Variants in RMDN2 observed in about 807,000 individuals in gnomAD.
The protein encoded by RMDN2 is regulator of microtubule dynamics 2.
In RMDN2, 61 loss-of-function variants were observed where a neutral mutation model predicts 52.8. The ratio of observed to expected loss-of-function variants is 1.16; its 90% CI spans 0.94 to 1.43. The LOEUF (loss-of-function observed/expected upper bound fraction) is 1.43. Among genes scored for constraint, RMDN2 ranks in the 40% most tolerant of loss-of-function variants. The pLI, the probability that RMDN2 is intolerant of heterozygous loss-of-function variation, is 0.00. For synonymous variants in RMDN2, 180 were observed against 153.1 expected (o/e 1.18, Z -1.30); for missense variants, 592 against 475.3 (o/e 1.25, Z -2.28).
At chr2:37,993,820 T>A (rs1675149345) in intron 7 of RMDN2, among the ~76,000 whole-genome samples, 1 of 152,110 alleles carries the variant, frequency 6.6e-6, no homozygotes, top group South Asian at 2.1e-4. Context: ...CTTACAGCAG[T>A]GAAAATTCAT....
At chr2:38,003,551 G>GATAGATAGATAGATAGATAC (rs1676608652) in intron 8 of RMDN2, among the ~76,000 whole-genome samples, 4 of 110,550 alleles carry the variant, frequency 3.6e-5, no homozygotes, top group African/African-American at 1.2e-4. Flanking sequence ...AGACCTGATA[G>GATAGATAGATAGATAGATAC]ATAGATAGAT....
chr2:37,965,280 A>T (rs952967074), intron 2 of RMDN2, among the ~76,000 whole-genome samples: 1 of 148,396 alleles, frequency 6.7e-6, no homozygotes, highest in African/African-American at 2.5e-5. Flanking sequence ...TTGATTTTGT[A>T]TATGCCATAG....
Position 38,039,093 on chromosome 2 carries a change from C to CACAGAGAG in RMDN2, c.1714-27888_1714-27887insCAGAGAGA, listed in dbSNP as rs1317093706. On this transcript the variant is annotated intron_variant, in intron 10 of 10. Transcript: ENST00000234195. ...ACACACACACACACACACACACACA[C>CACAGAGAG]AGAGAGAGAGATAAAATGTTCATGG... Among the ~76,000 whole-genome samples, 30 of 91,586 alleles carry CACAGAGAG rather than the reference C, an allele frequency of 3.3e-4. 1 individual carries two copies. Among genetic ancestry groups the CACAGAGAG allele is most frequent in the African/African-American group, 9.2e-4 (30 of 32,574 alleles). The allele number at this position is 91,586 out of a possible 152,430, so 60.1% of individuals were successfully genotyped here.
At chr2:38,037,716 T>C (rs994848407) in intron 10 of RMDN2, among the ~76,000 whole-genome samples, 6 of 152,232 alleles carry the variant, frequency 3.9e-5, no homozygotes, top group African/African-American at 1.4e-4. Context: ...CCGTTGGCTA[T>C]TGGGAGCTTG....
intron 10 of RMDN2, among the ~76,000 whole-genome samples, chr2:38,061,646 C>CACACACACGTACACACAT (rs1553393406): frequency 2.0e-5 from 3 of 149,828 alleles, no homozygotes; most frequent in Non-Finnish European, 4.4e-5. Flanking sequence ...CACACACACA[C>CACACACACGTACACACAT]ACACACATAC....
At chr2:37,971,887 T>C (rs1358967274) in intron 2 of RMDN2, among the ~76,000 whole-genome samples, 1 of 152,206 alleles carries the variant, frequency 6.6e-6, no homozygotes, top group African/African-American at 2.4e-5. Flanking sequence ...CAAAAATTCC[T>C]ATTAGGCTTA....
chr2:37,947,430 A>G (rs973984142), intron 2 of RMDN2, among the ~76,000 whole-genome samples: 7 of 152,202 alleles, frequency 4.6e-5, no homozygotes, highest in Admixed American at 2.6e-4. Flanking sequence ...AAAATAACCA[A>G]CATTTGTGCT....
At chr2:37,941,717 G>A (rs755063628) in intron 2 of RMDN2, among the ~76,000 whole-genome samples, 25 of 152,106 alleles carry the variant, frequency 1.6e-4, no homozygotes, top group Non-Finnish European at 2.8e-4. Flanking sequence ...GCCTACTCAC[G>A]CCTCAGTAAT....
At chr2:37,939,864 G>GCATTTAGC (rs1391124815) in intron 2 of RMDN2, among the ~76,000 whole-genome samples, 9 of 152,076 alleles carry the variant, frequency 5.9e-5, no homozygotes, top group African/African-American at 1.9e-4. Context: ...TTTGATTGGG[G>GCATTTAGC]CATTTAGCCC....
upstream of RMDN2, chr2:37,923,204 G>C (rs1047637570): frequency 6.6e-6 from 1 of 152,162 alleles, no homozygotes; most frequent in Non-Finnish European, 1.5e-5. Flanking sequence ...GCTTTGCCAA[G>C]GTCAATGGTT....
chr2:38,012,730 TAA>T, intron 10 of RMDN2: 1 of 354,886 alleles, frequency 2.8e-6, no homozygotes, highest in South Asian at 2.4e-5. Context: ...TCCATCTCTA[TAA>T]AGTTTTTTCA....
At chr2:38,028,367 A>G (rs558917963) in intron 10 of RMDN2, among the ~76,000 whole-genome samples, 1 of 152,342 alleles carries the variant, frequency 6.6e-6, no homozygotes, top group East Asian at 1.9e-4. Context: ...CATCTAGAAT[A>G]CTTTCTTTTA....
chr2:38,011,806 A>C (rs988339596), intron 10 of RMDN2, among the ~76,000 whole-genome samples: 4 of 152,196 alleles, frequency 2.6e-5, no homozygotes, highest in African/African-American at 7.2e-5. Context: ...GAACAGAGGC[A>C]CAAAAGTGAG....
downstream of RMDN2, among the ~76,000 whole-genome samples, chr2:38,020,406 T>C (rs1679257491): frequency 6.6e-6 from 1 of 152,174 alleles, no homozygotes; most frequent in South Asian, 2.1e-4. Flanking sequence ...GGCTCCCACT[T>C]TGGCGGCACT....
downstream of RMDN2, among the ~76,000 whole-genome samples, chr2:38,018,931 C>T (rs1387797381): frequency 1.3e-5 from 2 of 152,146 alleles, no homozygotes; most frequent in Non-Finnish European, 2.9e-5. Context: ...AAATTTCAAG[C>T]CGTGATAGAC....
At chr2:37,970,999 G>A (rs1671739344) in intron 2 of RMDN2, among the ~76,000 whole-genome samples, 1 of 151,808 alleles carries the variant, frequency 6.6e-6, no homozygotes, top group African/African-American at 2.4e-5. Flanking sequence ...CTTCTATTCT[G>A]TGGGTTTTTT....
At chr2:37,951,743 C>A in intron 2 of RMDN2, 1 of 1,612,558 alleles carries the variant, frequency 6.2e-7, no homozygotes, top group Non-Finnish European at 8.5e-7. Context: ...AACATATAAC[C>A]ATCTCTGCTC....
rs1026309952 is a variant in RMDN2 at position 37,989,533 on chromosome 2, C to T, written c.792-8C>T. On this transcript the variant is annotated splice_polypyrimidine_tract_variant and splice_region_variant and intron_variant, in intron 5 of 10. Coordinates refer to ENST00000354545, the MANE Select transcript of RMDN2 (RefSeq NM_001170791.3). ...GCCACTGTTTTTGTCTGTTTTTGTC[C>T]TTTTCAGGTATGCAGTTTTGTGTGG... 4 of 1,604,378 alleles carry T rather than the reference C, an allele frequency of 2.5e-6. No homozygotes were observed. In the Admixed American group the frequency reaches 6.8e-5, roughly 27 times the overall value.
chr2:38,038,159 G>T, intron 10 of RMDN2, among the ~76,000 whole-genome samples: 1 of 151,962 alleles, frequency 6.6e-6, no homozygotes. Context: ...ATTTCAGCCA[G>T]CAAAAATCTC....
Sources: gnomAD v4.1 joint callset for allele counts (sites outside exome capture counted in the v4.1 genomes callset) on GRCh38, gnomAD v4.1.1 for gene constraint, MANE v1.5 for transcripts, NCBI Gene and HGNC (gene_info 2026-07-23, HGNC 2026-07-21) for gene names.